The following HS6ST2 variants were observed in gnomAD, a reference collection of about 807,000 sequenced individuals.
HS6ST2 encodes heparan sulfate 6-O-sulfotransferase 2, also known as heparan-sulfate 6-O-sulfotransferase 2.
A neutral mutation model predicts 33.0 loss-of-function variants in HS6ST2; 17 were observed. The observed-to-expected ratio is 0.52, with a 90% CI of 0.35 to 0.77. HS6ST2 has a LOEUF of 0.77. HS6ST2 is among the 30% of genes least tolerant of loss of function. The pLI is 0.01. For synonymous variants in HS6ST2, 248 were observed against 237.1 expected (o/e 1.05, Z -0.42); for missense variants, 519 against 551.7 (o/e 0.94, Z 0.59).
chrX:132,728,043 A>T (rs1415039350), intron 2 of HS6ST2, among the ~76,000 whole-genome samples: 1 of 111,674 alleles, frequency 9.0e-6, no homozygotes, highest in African/African-American at 3.3e-5. Flanking sequence ...CCATTCATCC[A>T]CTGATGGGCA....
intron 2 of HS6ST2, among the ~76,000 whole-genome samples, chrX:132,844,435 C>G (rs1170757699): frequency 9.0e-6 from 1 of 111,571 alleles, no homozygotes; most frequent in Non-Finnish European, 1.9e-5. Flanking sequence ...AAGTTGTGAA[C>G]TCAAGATCTG....
chrX:132,850,858 C>A (rs1488993429), intron 2 of HS6ST2, among the ~76,000 whole-genome samples: 1 of 111,533 alleles, frequency 9.0e-6, no homozygotes, highest in Non-Finnish European at 1.9e-5. Context: ...ATTTTATGTG[C>A]AGAGCAACTT....
rs767454819 is a variant in HS6ST2 at position 132,883,556 on chromosome X, G to T, written c.947+73252C>A. On this transcript the variant is annotated intron_variant, in intron 2 of 4. Coordinates refer to ENST00000370833, the MANE Select transcript of HS6ST2 (RefSeq NM_001394073.1). ...ATGTCAAGCATATATTGTACAGAGC[G>T]CCCTTAACATAAGTAACTCCATCTT... is the stretch of plus-strand genomic sequence containing the variant. Among the ~76,000 whole-genome samples the T allele has an allele frequency of 3.6e-5, 4 of 111,010 alleles. No homozygotes were observed. In the East Asian group the frequency reaches 8.5e-4, roughly 24 times the overall value.
chrX:132,629,638 A>G (rs1236250165), intron 4 of HS6ST2, among the ~76,000 whole-genome samples: 1 of 112,527 alleles, frequency 8.9e-6, no homozygotes, highest in Non-Finnish European at 1.9e-5. Context: ...TTTGTTTTTA[A>G]AAAACTCATT....
At chrX:132,885,824 A>G (rs1018945173) in intron 2 of HS6ST2, among the ~76,000 whole-genome samples, 1 of 111,817 alleles carries the variant, frequency 8.9e-6, no homozygotes, top group African/African-American at 3.2e-5. Flanking sequence ...ACAAGAATTT[A>G]AAAACTGAGC....
chrX:132,960,871 G>A (rs751323061), upstream of HS6ST2, among the ~76,000 whole-genome samples: 7 of 111,642 alleles, frequency 6.3e-5, no homozygotes, highest in Non-Finnish European at 1.1e-4. Flanking sequence ...TTTGTGGGGA[G>A]CAGGGAGTCC....
At chrX:132,738,041 G>C (rs917911430) in intron 2 of HS6ST2, among the ~76,000 whole-genome samples, 11 of 112,724 alleles carry the variant, frequency 9.8e-5, no homozygotes, top group African/African-American at 3.5e-4. Flanking sequence ...TTCTGACCTA[G>C]TCCTGACCTG....
intron 2 of HS6ST2, among the ~76,000 whole-genome samples, chrX:132,905,008 T>C (rs970779021): frequency 9.0e-6 from 1 of 111,693 alleles, no homozygotes; most frequent in African/African-American, 3.3e-5. Flanking sequence ...CAAATGCAGT[T>C]TTTGTTTATT....
At chrX:132,673,975 TC>T (rs1437410699) in intron 3 of HS6ST2, among the ~76,000 whole-genome samples, 71 of 112,317 alleles carry the variant, frequency 6.3e-4, no homozygotes, top group African/African-American at 2.3e-3. Context: ...TTCATTTTTT[TC>T]TATCTTGTTA....
chrX:132,923,062 CAAAAAAA>C (rs34136355), intron 2 of HS6ST2, among the ~76,000 whole-genome samples: 1 of 47,610 alleles, frequency 2.1e-5, no homozygotes. Context: ...GACTCTGTCT[CAAAAAAA>C]AAAAAAAAAA....
chrX:132,948,511 G>A (rs966716468), intron 2 of HS6ST2, among the ~76,000 whole-genome samples: 4 of 111,971 alleles, frequency 3.6e-5, no homozygotes, highest in African/African-American at 9.7e-5. Context: ...TCCAGAAAAA[G>A]CACAGTGGAA....
At chrX:132,684,640 T>C (rs1445961001) in intron 3 of HS6ST2, among the ~76,000 whole-genome samples, 1 of 111,048 alleles carries the variant, frequency 9.0e-6, no homozygotes, top group African/African-American at 3.3e-5. Flanking sequence ...TACCATTGCA[T>C]TTGGGGCTTT....
chrX:132,663,031 G>T (rs960554521), intron 4 of HS6ST2, among the ~76,000 whole-genome samples: 8 of 111,647 alleles, frequency 7.2e-5, no homozygotes, highest in African/African-American at 2.6e-4. Context: ...CACGAGCCAG[G>T]CACTATGAGA....
At chrX:132,636,968 TGA>T (rs2063554227) in intron 4 of HS6ST2, among the ~76,000 whole-genome samples, 1 of 112,339 alleles carries the variant, frequency 8.9e-6, no homozygotes, top group Admixed American at 9.4e-5. Flanking sequence ...GACTCAGAGA[TGA>T]TGTGACTCTG....
At chrX:132,699,276 T>C (rs1247944069) in intron 3 of HS6ST2, among the ~76,000 whole-genome samples, 1 of 112,047 alleles carries the variant, frequency 8.9e-6, no homozygotes, top group Non-Finnish European at 1.9e-5. Flanking sequence ...AGGGAAATAT[T>C]CAGGTACTCA....
At chrX:132,813,239 C>T (rs1159761130) in intron 2 of HS6ST2, among the ~76,000 whole-genome samples, 2 of 111,702 alleles carry the variant, frequency 1.8e-5, no homozygotes, top group Non-Finnish European at 3.8e-5. Flanking sequence ...GGACATTTTT[C>T]AGTCTATCTA....
intron 4 of HS6ST2, among the ~76,000 whole-genome samples, chrX:132,650,710 G>A (rs1009910458): frequency 9.7e-6 from 1 of 102,703 alleles, no homozygotes; most frequent in Non-Finnish European, 2.0e-5. Flanking sequence ...CTGCCCCAAT[G>A]CAGGATATGA....
Position 132,627,469 on chromosome X carries a change from G to C in HS6ST2, c.*754C>G, listed in dbSNP as rs745349565. On this transcript the variant is annotated 3_prime_UTR_variant, in exon 5 of 5. Transcript: ENST00000370833. Reference sequence around the variant, plus strand: ...AAATTACAGTGCCCTGAAAGCGCCTGGAAATTAGATCTTTACATTGGTATT... The same window carrying C: ...AAATTACAGTGCCCTGAAAGCGCCTCGAAATTAGATCTTTACATTGGTATT... 28 of 112,092 alleles carry C rather than the reference G, an allele frequency of 2.5e-4. No homozygotes were observed. The highest frequency in any genetic ancestry group is 4.7e-4 in the Non-Finnish European group (25 of 53,097). 9.2% of individuals were successfully genotyped at this position (112,092 alleles called of 1,213,427 possible).
intron 3 of HS6ST2, chrX:132,669,896 A>T (rs948405650): frequency 8.9e-6 from 1 of 112,756 alleles, no homozygotes; most frequent in Non-Finnish European, 1.9e-5. Context: ...AAAGGTAAAC[A>T]AAAAGGAATA....
Sources: allele counts gnomAD v4.1 joint callset (sites outside exome capture counted in the v4.1 genomes callset), GRCh38; gene constraint gnomAD v4.1.1; transcripts MANE v1.5; gene names NCBI Gene and HGNC (gene_info 2026-07-23, HGNC 2026-07-21).